Variants in APLP2 observed in about 807,000 individuals in gnomAD.
APLP2 encodes CDEI box-binding protein.
Under a neutral mutation model 89.9 loss-of-function variants are expected in APLP2, and 53 were observed. That is an observed-to-expected ratio of 0.59 (90% confidence interval 0.47 to 0.74). The LOEUF (loss-of-function observed/expected upper bound fraction) is 0.74. APLP2 is among the 30% of genes least tolerant of loss of function. The pLI is 0.00. For synonymous variants in APLP2, 372 were observed against 348.6 expected (o/e 1.07, Z -0.75); for missense variants, 973 against 975.9 (o/e 1.00, Z 0.04).
At chr11:130,085,730 G>C (rs1051171963) in intron 1 of APLP2, among the ~76,000 whole-genome samples, 2 of 152,170 alleles carry the variant, frequency 1.3e-5, no homozygotes, top group African/African-American at 4.8e-5. Flanking sequence ...GTACCCATTA[G>C]ACACTAACTT....
chr11:130,123,787 C>A lies in APLP2; in HGVS notation c.1090+8C>A. ...CTGTGTGTAAAGCGATGAGTAAGTC[C>A]TGCCTCGCGCTGGTCCCGTGCGGCA... On this transcript the variant is annotated splice_region_variant and intron_variant, in intron 7 of 16. Coordinates refer to ENST00000338167, the MANE Select transcript of APLP2 (RefSeq NM_001142276.2). This position sits in a 1 kb window ranked among gnomAD's most constrained non-coding sequence, Gnocchi z 4.0. 1.2e-6 allele frequency: 2 copies of A among 1,613,354 alleles called. No individual in the cohort carries two copies. The highest frequency in any genetic ancestry group is 4.5e-5 in the East Asian group (2 of 44,886).
chr11:130,079,192 G>T (rs538291255), intron 1 of APLP2, among the ~76,000 whole-genome samples: 1 of 151,886 alleles, frequency 6.6e-6, no homozygotes, highest in East Asian at 1.9e-4. Context: ...TTTGTCTCCC[G>T]GGTTCAAGCG....
chr11:130,127,666 G>A lies in APLP2; in HGVS notation c.1222-100G>A, dbSNP rs116567388. 1.6e-3 allele frequency: 1,555 copies of A among 996,390 alleles called. 21 individuals carry two copies. In the African/African-American group the frequency reaches 0.018, roughly 12 times the overall value. 61.7% of individuals were successfully genotyped at this position (996,390 alleles called of 1,614,324 possible). The stretch of plus-strand genomic sequence containing the variant: ...ATTGTGTGATTGGTTTCCTTTTGCA[G>A]TTTCCTGTGAGATTTAGCATCTGAC... On this transcript the variant is annotated intron_variant, in intron 8 of 16. Transcript: ENST00000338167.
chr11:130,073,108 A>G lies in APLP2; in HGVS notation c.105+3026A>G, dbSNP rs143130312. Reference sequence around the variant, plus strand: ...TTTTATGAAATCTAAATGTAGATCAAGTATTTCCTATGAAAATTTAGCTTC... The same window carrying G: ...TTTTATGAAATCTAAATGTAGATCAGGTATTTCCTATGAAAATTTAGCTTC... On this transcript the variant is annotated intron_variant, in intron 1 of 16. Transcript: ENST00000338167. 7.2e-4 allele frequency among the ~76,000 whole-genome samples: 109 copies of G among 152,354 alleles called. No homozygotes were observed. The East Asian group carries it at 0.018, about 26-fold the overall frequency.
intron 1 of APLP2, among the ~76,000 whole-genome samples, chr11:130,090,454 T>G (rs1240825414): frequency 6.6e-6 from 1 of 150,724 alleles, no homozygotes; most frequent in Non-Finnish European, 1.5e-5. Flanking sequence ...GATTAGGGAT[T>G]GGTGATGACT....
chr11:130,103,642 G>A (rs1947241576), intron 1 of APLP2, among the ~76,000 whole-genome samples: 1 of 152,100 alleles, frequency 6.6e-6, no homozygotes, highest in Non-Finnish European at 1.5e-5. Flanking sequence ...AGTAACATGT[G>A]GAACATAATC....
At chr11:130,137,130 G>A (rs1192325346) in intron 13 of APLP2, 3 of 839,424 alleles carry the variant, frequency 3.6e-6, no homozygotes, top group Non-Finnish European at 3.9e-6. Flanking sequence ...GTGTTTTTAA[G>A]GAGGAATACT....
intron 3 of APLP2, among the ~76,000 whole-genome samples, chr11:130,119,185 TCCCC>T (rs905190870): frequency 6.6e-6 from 1 of 152,146 alleles, no homozygotes; most frequent in Non-Finnish European, 1.5e-5. Flanking sequence ...TTCAGGGTTT[TCCCC>T]CCTTAACCTC....
At chr11:130,124,121 G>A (rs77763390) in intron 7 of APLP2, among the ~76,000 whole-genome samples, 5,737 of 152,204 alleles carry the variant, frequency 0.038, 363 homozygotes, top group African/African-American at 0.13. Flanking sequence ...TATTGGTGGG[G>A]AAGGCAGCTG....
At chr11:130,137,198 T>C (rs1390649836) in intron 13 of APLP2, 1 of 1,502,620 alleles carries the variant, frequency 6.7e-7, no homozygotes, top group African/African-American at 1.4e-5. Flanking sequence ...GCCATTTTCT[T>C]TTTTAATCTC....
At chr11:130,115,294 G>A (rs1164993663) in intron 3 of APLP2, among the ~76,000 whole-genome samples, 1 of 152,146 alleles carries the variant, frequency 6.6e-6, no homozygotes, top group East Asian at 1.9e-4. Context: ...GGCATATAGT[G>A]TGTAATAGTC....
At chr11:130,086,730 T>C (rs1426051570) in intron 1 of APLP2, among the ~76,000 whole-genome samples, 1 of 152,244 alleles carries the variant, frequency 6.6e-6, no homozygotes, top group Non-Finnish European at 1.5e-5. Context: ...AGCTTCACTC[T>C]TCTGCAAGTT....
At chr11:130,134,262 C>T (rs1951275756) in intron 12 of APLP2, among the ~76,000 whole-genome samples, 1 of 152,172 alleles carries the variant, frequency 6.6e-6, no homozygotes, top group African/African-American at 2.4e-5. Flanking sequence ...AGGTGCTGTG[C>T]AGTGTGAAAA....
chr11:130,093,184 T>A (rs554475833), intron 1 of APLP2, among the ~76,000 whole-genome samples: 9 of 152,338 alleles, frequency 5.9e-5, no homozygotes, highest in Admixed American at 4.6e-4. Context: ...CAAAGGCCGC[T>A]CTTGACCTTG....
chr11:130,112,889 C>G (rs1040692045), intron 3 of APLP2, among the ~76,000 whole-genome samples: 5 of 152,206 alleles, frequency 3.3e-5, no homozygotes, highest in African/African-American at 1.2e-4. Flanking sequence ...GCATCGACCA[C>G]CCCAGGGTGG....
intron 1 of APLP2, among the ~76,000 whole-genome samples, chr11:130,092,181 G>A (rs1945432042): frequency 7.2e-6 from 1 of 139,384 alleles, no homozygotes; most frequent in East Asian, 2.4e-4. Context: ...GGGAAGAGGC[G>A]CTCCTCACTT....
At position 130,122,453 on chromosome 11, in the gene APLP2, C is replaced by A; in HGVS notation, c.862C>A (p.Pro288Thr). The change falls in exon 6 of 17, where the codon CCT becomes ACT. Residue 288 changes from proline (P) to threonine (T), a missense_variant. By Grantham distance (38) the Pro-to-Thr change is conservative. Transcript: ENST00000338167. The part of the protein sequence containing the change: ...FKGDDYNEEN[P>T]TEPGSDGTMS... ...AGGAGATGACTACAATGAGGAGAAT[C>A]CTACTGAACCCGGCAGCGACGGCAC... 1 of 1,614,128 alleles carries A rather than the reference C, an allele frequency of 6.2e-7. No individual in the cohort carries two copies. The highest frequency in any genetic ancestry group is 8.5e-7 in the Non-Finnish European group (1 of 1,180,006).
intron 1 of APLP2, among the ~76,000 whole-genome samples, chr11:130,102,277 A>G (rs912370087): frequency 2.6e-5 from 4 of 152,236 alleles, no homozygotes; most frequent in Non-Finnish European, 5.9e-5. Context: ...TTTCCTTAAA[A>G]AAGGTTTTTG....
chr11:130,100,328 C>A (rs868152688), intron 1 of APLP2: 1 of 152,034 alleles, frequency 6.6e-6, no homozygotes, highest in African/African-American at 2.4e-5. Flanking sequence ...GTCTCCATAC[C>A]CCCTGGAAAT....
Sources: allele counts gnomAD v4.1 joint callset (sites outside exome capture counted in the v4.1 genomes callset), GRCh38; gene constraint gnomAD v4.1.1; non-coding constraint Gnocchi (gnomAD v3.1); transcripts MANE v1.5; gene names NCBI Gene and HGNC (gene_info 2026-07-23, HGNC 2026-07-21).